CPQ: variants seen among roughly 807,000 people sequenced by gnomAD.
CPQ encodes the protein carboxypeptidase Q.
In CPQ, 37 loss-of-function variants were observed where a neutral mutation model predicts 45.7. The observed-to-expected ratio is 0.81, with a 90% CI of 0.62 to 1.07. The LOEUF (loss-of-function observed/expected upper bound fraction) is 1.07. Among genes scored for constraint, CPQ ranks in the 50% least tolerant of loss-of-function variants. The probability of loss-of-function intolerance (pLI) is 0.00; values close to 1 mark genes in which losing one functional copy is unlikely to be tolerated. For missense variants in CPQ, 537 were observed against 572.9 expected (o/e 0.94, Z 0.64); for synonymous variants, 186 against 205.8 (o/e 0.90, Z 0.82).
At chr8:97,061,168 T>A (rs906146895) in intron 6 of CPQ, among the ~76,000 whole-genome samples, 7 of 152,170 alleles carry the variant, frequency 4.6e-5, no homozygotes, top group Non-Finnish European at 8.8e-5. Flanking sequence ...TTTACTGATA[T>A]CTACACATCC....
intron 1 of CPQ, among the ~76,000 whole-genome samples, chr8:96,731,806 T>C (rs1809917296): frequency 6.6e-6 from 1 of 152,094 alleles, no homozygotes; most frequent in Non-Finnish European, 1.5e-5. Flanking sequence ...TTGTAAACAA[T>C]AGATTTTTAA....
chr8:97,080,406 A>G (rs1810925034), intron 7 of CPQ, among the ~76,000 whole-genome samples: 3 of 152,212 alleles, frequency 2.0e-5, no homozygotes, highest in Non-Finnish European at 2.9e-5. Context: ...AAATATGCTT[A>G]TCAATTTAAT....
At chr8:96,880,766 G>A (rs1481242466) in intron 4 of CPQ, among the ~76,000 whole-genome samples, 1 of 151,498 alleles carries the variant, frequency 6.6e-6, no homozygotes, top group African/African-American at 2.4e-5. Flanking sequence ...AGGCAATGGG[G>A]GCTCCAAAAT....
At chr8:96,645,516 G>T (rs928233605) in intron 1 of CPQ, 114 bp downstream of exon 1, 1 of 152,606 alleles carries the variant, frequency 6.6e-6, no homozygotes, top group Non-Finnish European at 1.5e-5. Flanking sequence ...GGGGGCAGAG[G>T]GGGACGGACT....
At chr8:96,959,524 G>A (rs909365390) in intron 4 of CPQ, among the ~76,000 whole-genome samples, 3 of 151,900 alleles carry the variant, frequency 2.0e-5, no homozygotes, top group Non-Finnish European at 4.4e-5. Flanking sequence ...GAAGCTTCTT[G>A]CTCGCTTATA....
chr8:96,797,746 C>G (rs182777452), intron 2 of CPQ, among the ~76,000 whole-genome samples: 2 of 151,990 alleles, frequency 1.3e-5, no homozygotes, highest in Admixed American at 6.6e-5. Flanking sequence ...GTGAAACTCC[C>G]TCACTACTAA....
chr8:96,989,786 T>C (rs1213277923), intron 5 of CPQ, among the ~76,000 whole-genome samples: 2 of 152,096 alleles, frequency 1.3e-5, no homozygotes, highest in African/African-American at 4.8e-5. Context: ...CTTCAGTAGC[T>C]TTGAGGATCA....
chr8:96,878,080 G>A (rs544079578), intron 3 of CPQ, among the ~76,000 whole-genome samples: 4 of 151,812 alleles, frequency 2.6e-5, no homozygotes, highest in East Asian at 1.9e-4. Flanking sequence ...CTCCTTCCTC[G>A]CTATACCTGT....
At chr8:96,908,776 CA>C (rs1563526433) in intron 4 of CPQ, among the ~76,000 whole-genome samples, 219 of 151,898 alleles carry the variant, frequency 1.4e-3, no homozygotes, top group African/African-American at 5.0e-3. Flanking sequence ...CACACACACA[CA>C]CCATATATTC....
At chr8:97,139,117 G>A (rs887448886) in intron 7 of CPQ, among the ~76,000 whole-genome samples, 2 of 152,272 alleles carry the variant, frequency 1.3e-5, no homozygotes, top group African/African-American at 4.8e-5. Flanking sequence ...AAAGAACTAG[G>A]TGTGCCTATC....
chr8:96,938,018 A>G lies in CPQ; in HGVS notation c.850-27917A>G, dbSNP rs535443293. 1.3e-4 allele frequency among the ~76,000 whole-genome samples: 20 copies of G among 152,350 alleles called. 1 individual carries two copies. In the East Asian group the frequency reaches 3.9e-3, roughly 29 times the overall value. On this transcript the variant is annotated intron_variant, in intron 4 of 7. Coordinates refer to ENST00000220763, the MANE Select transcript of CPQ (RefSeq NM_016134.4). ...AAAATTTTGTTTTGCCCAAAAAATT[A>G]CATGACACTTTCCTCTTAGAAATAA... is the stretch of plus-strand genomic sequence containing the variant.
intron 1 of CPQ, among the ~76,000 whole-genome samples, chr8:96,717,549 G>A (rs1809698744): frequency 6.6e-6 from 1 of 151,972 alleles, no homozygotes; most frequent in African/African-American, 2.4e-5. Flanking sequence ...GGCTATGTAG[G>A]CTCTTTTTTG....
intron 5 of CPQ, among the ~76,000 whole-genome samples, chr8:97,023,609 C>G (rs774423937): frequency 4.6e-5 from 7 of 152,208 alleles, no homozygotes; most frequent in Non-Finnish European, 1.0e-4. Context: ...ATTTTCCTGG[C>G]TAATAGAATC....
intron 3 of CPQ, among the ~76,000 whole-genome samples, chr8:96,838,023 C>T (rs1280492770): frequency 6.6e-6 from 1 of 152,160 alleles, no homozygotes; most frequent in African/African-American, 2.4e-5. Context: ...CATATGCTTT[C>T]TCCTCTGCAA....
Position 96,879,795 on chromosome 8 carries a change from A to G in CPQ, c.642-3A>G. 1 of 1,613,556 alleles carries G rather than the reference A, an allele frequency of 6.2e-7. No homozygotes were observed. The highest frequency in any genetic ancestry group is 2.2e-5 in the East Asian group (1 of 44,856). ...AGGTAACCTGGTGGCTTCTTCTCTC[A>G]AGTCCTCACACAGGTATTCAGGAAT... On this transcript the variant is annotated splice_region_variant and splice_polypyrimidine_tract_variant and intron_variant, in intron 3 of 7. Transcript: ENST00000220763.
chr8:96,821,630 G>C (rs1050704273), intron 2 of CPQ, among the ~76,000 whole-genome samples: 1 of 151,896 alleles, frequency 6.6e-6, no homozygotes, highest in South Asian at 2.1e-4. Flanking sequence ...ATGCAAAAAA[G>C]TTGAAATCTA....
At chr8:96,964,152 A>G (rs1813513214) in intron 4 of CPQ, among the ~76,000 whole-genome samples, 1 of 144,334 alleles carries the variant, frequency 6.9e-6, no homozygotes. Flanking sequence ...ACATTCCAGT[A>G]CATCTTTTTT....
chr8:96,679,101 T>A (rs972129005), intron 1 of CPQ, among the ~76,000 whole-genome samples: 1 of 152,166 alleles, frequency 6.6e-6, no homozygotes, highest in Non-Finnish European at 1.5e-5. Context: ...AGGGGTCTAC[T>A]CTCATTCTTC....
intron 1 of CPQ, among the ~76,000 whole-genome samples, chr8:96,772,965 A>G (rs1209918472): frequency 6.6e-6 from 1 of 152,174 alleles, no homozygotes; most frequent in Non-Finnish European, 1.5e-5. Context: ...TAGAGCAGAA[A>G]TGCCACCCCA....
Sources: allele counts gnomAD v4.1 joint callset (sites outside exome capture counted in the v4.1 genomes callset), GRCh38; gene constraint gnomAD v4.1.1; transcripts MANE v1.5; gene names NCBI Gene and HGNC (gene_info 2026-07-23, HGNC 2026-07-21).